PCDH7: variants seen among roughly 807,000 people sequenced by gnomAD.
PCDH7 encodes the protein protocadherin-7.
A neutral mutation model predicts 58.9 loss-of-function variants in PCDH7; 17 were observed. The observed-to-expected ratio is 0.29, with a 90% confidence interval of 0.20 to 0.43. PCDH7 has a LOEUF of 0.43. Among genes scored for constraint, PCDH7 ranks in the 20% least tolerant of loss-of-function variants. PCDH7 has a pLI of 1.00. For missense variants in PCDH7, 1,274 were observed against 1,441.0 expected (o/e 0.88, Z 1.88); for synonymous variants, 664 against 616.4 (o/e 1.08, Z -1.14).
At chr4:30,924,002 C>T (rs1246135092) in intron 2 of PCDH7, among the ~76,000 whole-genome samples, 2 of 152,146 alleles carry the variant, frequency 1.3e-5, no homozygotes, top group East Asian at 3.8e-4. Flanking sequence ...GGCTTAAAAG[C>T]ACCATCTCAT....
At chr4:31,074,784 C>CAAAAAAAAAAAAAAAAAAAAAAAA (rs1157267696) in intron 3 of PCDH7, among the ~76,000 whole-genome samples, 1 of 52,470 alleles carries the variant, frequency 1.9e-5, no homozygotes, top group Non-Finnish European at 3.2e-5. Flanking sequence ...GATTCCGTCT[C>CAAAAAAAAAAAAAAAAAAAAAAAA]AAAAAAAAAA....
At position 30,892,023 on chromosome 4, in the gene PCDH7, A is replaced by G. The variant is rs1453814743; in HGVS notation, c.71-28130A>G. Among the ~76,000 whole-genome samples, 11 of 151,984 alleles carry G rather than the reference A, an allele frequency of 7.2e-5. No homozygotes were observed. In the East Asian group the frequency reaches 1.7e-3, roughly 24 times the overall value. Reference sequence around the variant, plus strand: ...ATGTTAAATATGTTAATCGCCTTGTATATAGATAAAAAGCCTATTTCTAAC... The same window carrying G: ...ATGTTAAATATGTTAATCGCCTTGTGTATAGATAAAAAGCCTATTTCTAAC... On this transcript the variant is annotated intron_variant, in intron 1 of 3. Transcript: ENST00000509759.
rs1030617525 is a variant in PCDH7, at chr4:30,723,071, C to T, written c.1649C>T (p.Pro550Leu). Residue 550 changes from proline (P) to leucine (L), a missense_variant, in exon 1 of 2, where the codon CCG (proline) becomes CTG (leucine). Pro to Leu is a moderately conservative substitution (Grantham distance 98). This residue lies in a region of PCDH7 where 731 missense variants were observed against 881.9 expected (regional missense o/e 0.83). Coordinates refer to ENST00000361762, the Ensembl canonical transcript of PCDH7. This position sits in a 1 kb window ranked among gnomAD's most constrained non-coding sequence, Gnocchi z 4.6. ...GTTTACTTCCCTGAGAACAACATCC[C>T]GGGCGAGAGGGTGGCCACGGTGCTG... is the stretch of plus-strand genomic sequence containing the variant. 2.5e-6 allele frequency: 4 copies of T among 1,613,672 alleles called. No individual in the cohort carries two copies. Among genetic ancestry groups the T allele is most frequent in the African/African-American group, 2.7e-5 (2 of 74,872 alleles).
chr4:31,141,992 T>A (rs1720313000), intron 3 of PCDH7, among the ~76,000 whole-genome samples: 1 of 152,230 alleles, frequency 6.6e-6, no homozygotes, highest in Non-Finnish European at 1.5e-5. Context: ...TATAAGGTTT[T>A]GCATATTTGC....
chr4:31,038,099 G>T (rs1755560490), intron 3 of PCDH7, among the ~76,000 whole-genome samples: 1 of 152,246 alleles, frequency 6.6e-6, no homozygotes, highest in Non-Finnish European at 1.5e-5. Context: ...CTAAGGCAGA[G>T]ATCTTGTTGT....
chr4:30,798,173 A>T (rs533362534), intron 1 of PCDH7, among the ~76,000 whole-genome samples: 1 of 152,214 alleles, frequency 6.6e-6, no homozygotes, highest in Admixed American at 6.5e-5. Context: ...AAGACGTTGT[A>T]TTTAAGTTGA....
chr4:30,969,142 C>T (rs892131023), intron 3 of PCDH7, among the ~76,000 whole-genome samples: 1 of 152,162 alleles, frequency 6.6e-6, no homozygotes, highest in Admixed American at 6.5e-5. Flanking sequence ...GAATGCAGAA[C>T]CTAGACTTAC....
intron 3 of PCDH7, among the ~76,000 whole-genome samples, chr4:31,002,175 T>C (rs558238381): frequency 2.0e-5 from 3 of 152,162 alleles, no homozygotes; most frequent in African/African-American, 7.2e-5. Context: ...ACTTGGAAAA[T>C]ATTAGCCAAA....
chr4:30,878,571 C>A (rs1014283181), intron 1 of PCDH7, among the ~76,000 whole-genome samples: 1 of 152,086 alleles, frequency 6.6e-6, no homozygotes, highest in Non-Finnish European at 1.5e-5. Flanking sequence ...TAGCTTGGAT[C>A]ACTCACCCCC....
Position 30,980,990 on chromosome 4 carries a change from G to A in PCDH7, c.*7+30775G>A, listed in dbSNP as rs566706723. Reference sequence around the variant, plus strand: ...CCCCAGTAGCTGGGACTACAGACGTGTGCCACCACGCTCAGCTAATTTTTG... The same window carrying A: ...CCCCAGTAGCTGGGACTACAGACGTATGCCACCACGCTCAGCTAATTTTTG... On this transcript the variant is annotated intron_variant, in intron 3 of 3. Transcript: ENST00000509759. Among the ~76,000 whole-genome samples the A allele has an allele frequency of 9.7e-4, 147 of 152,172 alleles. 2 individuals carry two copies. The South Asian group carries it at 0.028, about 29-fold the overall frequency.
At chr4:30,823,568 A>G (rs996663909) in intron 1 of PCDH7, among the ~76,000 whole-genome samples, 6 of 152,106 alleles carry the variant, frequency 3.9e-5, no homozygotes, top group African/African-American at 1.2e-4. Context: ...CTGCAAATTC[A>G]AATATGATGC....
chr4:31,139,787 C>T (rs1183361891), intron 3 of PCDH7, among the ~76,000 whole-genome samples: 1 of 152,106 alleles, frequency 6.6e-6, no homozygotes, highest in Non-Finnish European at 1.5e-5. Context: ...CTCTTATAGC[C>T]CTTCTTGATT....
intron 3 of PCDH7, among the ~76,000 whole-genome samples, chr4:31,077,024 GA>G (rs1358133212): frequency 6.7e-5 from 10 of 148,584 alleles, no homozygotes; most frequent in East Asian, 4.0e-4. Context: ...AAGGCAAAAA[GA>G]AAAAAAAAGA....
At chr4:30,786,289 A>G (rs1306313722) in intron 1 of PCDH7, among the ~76,000 whole-genome samples, 2 of 152,068 alleles carry the variant, frequency 1.3e-5, no homozygotes, top group Non-Finnish European at 2.9e-5. Context: ...TCAAGCTCAC[A>G]TCTCTGAGAT....
Position 30,721,004 on chromosome 4 carries a change from G to C in PCDH7, c.-419G>C, listed in dbSNP as rs1577513494. The C allele has an allele frequency of 1.1e-5, 2 of 174,496 alleles. No individual in the cohort carries two copies. Among genetic ancestry groups the C allele is most frequent in the African/African-American group, 4.7e-5 (2 of 42,344 alleles). The allele number at this position is 174,496 out of a possible 1,614,324, so 10.8% of individuals were successfully genotyped here. ...TCCCAGCCCCACTGCCCGTCTGCCG[G>C]AGCGGTTCTGGCCCCTTCCGACAGA... On this transcript the variant is annotated 5_prime_UTR_variant, in exon 1 of 2. Transcript: ENST00000361762. The surrounding 1 kb of genome is among the most constrained non-coding windows in gnomAD (Gnocchi z 6.7).
rs1315422651 is a variant in PCDH7, at chr4:30,843,540, G to A, written c.71-76613G>A. ...AAATAGACATAATGTTTCCAGTTGA[G>A]GATGTAGCGATTACTTGCAAAGTCT... On this transcript the variant is annotated intron_variant, in intron 1 of 3. Transcript: ENST00000509759. 2.0e-5 allele frequency among the ~76,000 whole-genome samples: 3 copies of A among 152,172 alleles called. No homozygotes were observed. The East Asian group carries it at 5.8e-4, about 29-fold the overall frequency.
intron 3 of PCDH7, among the ~76,000 whole-genome samples, chr4:30,954,539 G>A (rs1007023678): frequency 7.9e-5 from 12 of 151,954 alleles, no homozygotes; most frequent in Admixed American, 7.9e-4. Flanking sequence ...AGATTCTTAG[G>A]CCATATTCTT....
chr4:31,040,282 T>G (rs914711787), intron 3 of PCDH7, among the ~76,000 whole-genome samples: 3 of 152,160 alleles, frequency 2.0e-5, no homozygotes, highest in African/African-American at 7.2e-5. Context: ...CTTCCCTGAC[T>G]CATCTGGGAA....
intron 1 of PCDH7, chr4:30,786,847 A>T (rs1248694820): frequency 1.9e-5 from 12 of 628,384 alleles, no homozygotes; most frequent in Non-Finnish European, 2.4e-5. Context: ...ATCCTAATAG[A>T]CCTGGATTTG....
Sources: gnomAD v4.1 joint callset for allele counts (sites outside exome capture counted in the v4.1 genomes callset) on GRCh38, gnomAD v4.1.1 for gene constraint, gnomAD v4.1.1 regional missense constraint, Gnocchi (gnomAD v3.1) non-coding constraint, MANE v1.5 for transcripts, NCBI Gene and HGNC (gene_info 2026-07-23, HGNC 2026-07-21) for gene names.